Variants in GPN2 observed in about 807,000 individuals in gnomAD.
GPN2 encodes the protein ATP-binding domain 1 family member B.
Under a neutral mutation model 30.1 loss-of-function variants are expected in GPN2, and 27 were observed. The observed-to-expected ratio is 0.90, with a 90% CI of 0.66 to 1.24. The LOEUF is 1.24. GPN2 is among the 50% of genes most tolerant of loss of function. The probability of loss-of-function intolerance (pLI) is 0.00; values close to 1 mark genes in which losing one functional copy is unlikely to be tolerated. For synonymous variants in GPN2, 212 were observed against 174.4 expected (o/e 1.22, Z -1.70); for missense variants, 406 against 405.4 (o/e 1.00, Z -0.01).
rs1240689420 is a variant in GPN2 at position 26,886,126 on chromosome 1, G to A, written c.576C>T (p.Asn192=). The A allele has an allele frequency of 1.2e-6, 2 of 1,613,176 alleles. No homozygotes were observed. The highest frequency in any genetic ancestry group is 1.7e-6 in the Non-Finnish European group (2 of 1,179,220). The change falls in exon 3 of 5, where the codon AAC becomes AAT. Residue 192 remains asparagine (N), a synonymous_variant. Coordinates refer to ENST00000374135, the MANE Select transcript of GPN2 (RefSeq NM_018066.4). ...CCAGAACCTCTGTGTAGTAGTCCAGGTTGAAGGCTAAAGAGAGAAACCAGT... is the reference window on the plus strand; with the variant it reads ...CCAGAACCTCTGTGTAGTAGTCCAGATTGAAGGCTAAAGAGAGAAACCAGT... ...LIEHYGKLAF[N]LDYYTEVLDL...
At chr1:26,885,748 T>C (rs35866833) in intron 3 of GPN2, among the ~76,000 whole-genome samples, 18,521 of 151,786 alleles carry the variant, frequency 0.12, 1,326 homozygotes, top group Non-Finnish European at 0.16. Context: ...CCCAGCTAAT[T>C]TTTTGTATTT....
intron 3 of GPN2, 112 bp downstream of exon 3, chr1:26,885,861 G>C (rs1570693156): frequency 2.4e-6 from 2 of 833,264 alleles, no homozygotes; most frequent in Non-Finnish European, 3.9e-6. Flanking sequence ...TTAGAGGCTT[G>C]AGCAACCGCG....
chr1:26,889,236 C>A lies in GPN2; in HGVS notation c.412-111G>T. The A allele has an allele frequency of 4.9e-6, 4 of 816,240 alleles. No homozygotes were observed. In the South Asian group the frequency reaches 7.2e-5, roughly 15 times the overall value. 50.6% of individuals were successfully genotyped at this position (816,240 alleles called of 1,614,324 possible). ...GGAAGCTTTCCCCATTAGTCTCCTG[C>A]CTCTGTTTCTTTCTAATAACCACCC... On this transcript the variant is annotated intron_variant, in intron 1 of 4. Transcript: ENST00000374135.
chr1:26,886,094 G>A lies in GPN2; in HGVS notation c.608C>T (p.Ser203Phe). Residue 203 changes from serine to phenylalanine, a missense_variant, in exon 3 of 5, where the codon TCC (serine) becomes TTC (phenylalanine). Physicochemically the swap from Ser to Phe is radical, Grantham distance 155 (BLOSUM62 -2). Transcript: ENST00000374135. ...AGAAGCCAGGTGGTCAAGCAGGTAG[G>A]AGAGGTCCAGAACCTCTGTGTAGTA... ...LDYYTEVLDL[S>F]YLLDHLASDP... 6.2e-7 allele frequency: 1 copy of A among 1,613,524 alleles called. No homozygotes were observed. The highest frequency in any genetic ancestry group is 8.5e-7 in the Non-Finnish European group (1 of 1,179,446).
chr1:26,877,049 G>GCCTGGGCGTCAGGATT lies in GPN2; in HGVS notation c.*2612_*2627dup, dbSNP rs1553159789. On this transcript the variant is annotated 3_prime_UTR_variant, in exon 5 of 5. Coordinates refer to ENST00000374135, the MANE Select transcript of GPN2 (RefSeq NM_018066.4). ...GCCCTGATAAAGGATTTGTCCAGTA[G>GCCTGGGCGTCAGGATT]CCTGGGCGTCAGGATTCCTGGGCTC... 1 of 152,190 alleles carries GCCTGGGCGTCAGGATT rather than the reference G, an allele frequency of 6.6e-6. No homozygotes were observed. The highest frequency in any genetic ancestry group is 1.5e-5 in the Non-Finnish European group (1 of 68,044). 9.4% of individuals were successfully genotyped at this position (152,190 alleles called of 1,614,324 possible).
Position 26,886,042 on chromosome 1 carries a change from C to T in GPN2, c.660G>A (p.Gln220=), listed in dbSNP as rs369763959. The T allele has an allele frequency of 2.9e-5, 47 of 1,613,328 alleles. No individual in the cohort carries two copies. The highest frequency in any genetic ancestry group is 3.6e-5 in the Non-Finnish European group (42 of 1,179,454). ...TGAGCTGCACTAGCTTCTCATTGAG[C>T]TGGCGGTAGTGGCGGAAGAAAGGGT... ...ASDPFFRHYR[Q]LNEKLVQLIE... Residue 220 remains glutamine, a synonymous_variant, in exon 3 of 5, where the codon CAG becomes CAA. Coordinates refer to ENST00000374135, the MANE Select transcript of GPN2 (RefSeq NM_018066.4).
Position 26,877,782 on chromosome 1 carries a change from T to TC in GPN2, c.*1894dup, listed in dbSNP as rs1265954570. On this transcript the variant is annotated 3_prime_UTR_variant, in exon 5 of 5. Coordinates refer to ENST00000374135, the MANE Select transcript of GPN2 (RefSeq NM_018066.4). ...CGGGTGCAGTGGCTCACGCCTGTAA[T>TC]CCCAGCACTTTGGGAGGCCAAGGCG... The TC allele has an allele frequency of 6.6e-6, 1 of 152,330 alleles. No homozygotes were observed. Among genetic ancestry groups the TC allele is most frequent in the Non-Finnish European group, 1.5e-5 (1 of 68,144 alleles). The allele number at this position is 152,330 out of a possible 1,614,324, so 9.4% of individuals were successfully genotyped here.
rs2081841207 is a variant in GPN2, at chr1:26,877,179, TA to T, written c.*2497del. ...TCCTACCTACTCTGTGGGGTGTTAA[TA>T]GGGGTGAGGTGCTTTGAACTTCTCA... On this transcript the variant is annotated 3_prime_UTR_variant, in exon 5 of 5. Coordinates refer to ENST00000374135, the MANE Select transcript of GPN2 (RefSeq NM_018066.4). The T allele has an allele frequency of 6.6e-6, 1 of 152,228 alleles. No homozygotes were observed. Among genetic ancestry groups the T allele is most frequent in the South Asian group, 2.1e-4 (1 of 4,822 alleles). 9.4% of individuals were successfully genotyped at this position (152,228 alleles called of 1,614,324 possible).
chr1:26,877,541 C>G lies in GPN2; in HGVS notation c.*2136G>C, dbSNP rs1162326038. On this transcript the variant is annotated 3_prime_UTR_variant, in exon 5 of 5. Coordinates refer to ENST00000374135, the MANE Select transcript of GPN2 (RefSeq NM_018066.4). ...CTGTGACTTCTCACCAATAAATATA[C>G]CAAAGGAGGGATACTCGCAATTTAG... is the stretch of plus-strand genomic sequence containing the variant. The G allele has an allele frequency of 2.0e-5, 3 of 152,168 alleles. No homozygotes were observed. Among genetic ancestry groups the G allele is most frequent in the African/African-American group, 7.2e-5 (3 of 41,436 alleles). 9.4% of individuals were successfully genotyped at this position (152,168 alleles called of 1,614,324 possible). A position where few individuals can be genotyped will look rare whatever the true frequency, so the allele number is the denominator to read the frequency against.
intron 4 of GPN2, among the ~76,000 whole-genome samples, chr1:26,880,982 C>T (rs1185216983): frequency 2.0e-5 from 3 of 152,216 alleles, no homozygotes; most frequent in Non-Finnish European, 4.4e-5. Flanking sequence ...TCAGTCCCTA[C>T]TCTCTTACAG....
In GPN2 at chr1:26,886,070, G is replaced by C; in HGVS notation, c.632C>G (p.Ser211Cys). The change falls in exon 3 of 5, where the codon TCT becomes TGT. Residue 211 changes from serine to cysteine, a missense_variant. Transcript: ENST00000374135. ...GCGGTAGTGGCGGAAGAAAGGGTCA[G>C]AAGCCAGGTGGTCAAGCAGGTAGGA... ...DLSYLLDHLA[S>C]DPFFRHYRQL... 6.2e-7 allele frequency: 1 copy of C among 1,613,524 alleles called. No individual in the cohort carries two copies. Among genetic ancestry groups the C allele is most frequent in the African/African-American group, 1.3e-5 (1 of 75,026 alleles).
chr1:26,879,938 T>C (rs2124291370), intron 4 of GPN2, among the ~76,000 whole-genome samples, 189 bp from the exon 5 acceptor site: 1 of 152,326 alleles, frequency 6.6e-6, no homozygotes, highest in South Asian at 2.1e-4. Flanking sequence ...TATCTGCCTC[T>C]TCCACACACT....
intron 2 of GPN2, among the ~76,000 whole-genome samples, chr1:26,886,746 AG>A (rs2081893040): frequency 6.6e-6 from 1 of 151,954 alleles, no homozygotes; most frequent in African/African-American, 2.4e-5. Flanking sequence ...TGAACCCAGG[AG>A]GGGGAGCTTG....
At chr1:26,885,648 C>T (rs566713702) in intron 3 of GPN2, among the ~76,000 whole-genome samples, 2 of 149,020 alleles carry the variant, frequency 1.3e-5, no homozygotes, top group South Asian at 2.1e-4. Flanking sequence ...GGCGTGGTCT[C>T]GGCTCACTGC....
chr1:26,886,461 C>A, intron 2 of GPN2: 1 of 459,508 alleles, frequency 2.2e-6, no homozygotes. Context: ...TTTGGGAAGC[C>A]GAGGTGGGTG....
chr1:26,879,532 A>C lies in GPN2; in HGVS notation c.*145T>G. On this transcript the variant is annotated 3_prime_UTR_variant, in exon 5 of 5. Transcript: ENST00000374135. ...CACCATGTCTGGCTTTTTGGCCAGA[A>C]GTCCTTTGCAGAGCTGAATATCCCC... 1 of 650,560 alleles carries C rather than the reference A, an allele frequency of 1.5e-6. No individual in the cohort carries two copies. The highest frequency in any genetic ancestry group is 2.8e-6 in the Non-Finnish European group (1 of 355,554). 40.3% of individuals were successfully genotyped at this position (650,560 alleles called of 1,614,324 possible). A position where few individuals can be genotyped will look rare whatever the true frequency, so the allele number is the denominator to read the frequency against.
At chr1:26,884,324 G>A (rs1356466245) in intron 3 of GPN2, 34 bp from the exon 4 acceptor site, 2 of 1,585,402 alleles carry the variant, frequency 1.3e-6, no homozygotes, top group Non-Finnish European at 8.5e-7. Flanking sequence ...TTCTGTGAGT[G>A]AAACAGAAGT....
intron 2 of GPN2, chr1:26,886,522 T>C (rs763600519): frequency 4.5e-6 from 2 of 449,264 alleles, no homozygotes; most frequent in Non-Finnish European, 8.9e-6. Context: ...AAACTCCATT[T>C]CTCCTAAAAA....
intron 3 of GPN2, 63 bp from the exon 4 acceptor site, chr1:26,884,353 T>G: frequency 6.5e-7 from 1 of 1,532,666 alleles, no homozygotes; most frequent in Non-Finnish European, 8.8e-7. Flanking sequence ...CTGCTTGCAA[T>G]CTCTAAATAC....
Sources: gnomAD v4.1 joint callset for allele counts (sites outside exome capture counted in the v4.1 genomes callset) on GRCh38, gnomAD v4.1.1 for gene constraint, MANE v1.5 for transcripts, NCBI Gene and HGNC (gene_info 2026-07-23, HGNC 2026-07-21) for gene names.